Variants in MARCHF1 observed in about 807,000 individuals in gnomAD.
MARCHF1 encodes the protein membrane associated ring-CH-type finger 1, also known as E3 ubiquitin-protein ligase MARCHF1.
Under a neutral mutation model 54.2 loss-of-function variants are expected in MARCHF1, and 40 were observed. The ratio of observed to expected loss-of-function variants is 0.74; its 90% CI spans 0.57 to 0.96. The LOEUF is 0.96. Among genes scored for constraint, MARCHF1 ranks in the 40% least tolerant of loss-of-function variants. The pLI is 0.00. For missense variants in MARCHF1, 586 were observed against 656.5 expected, an observed-to-expected ratio of 0.89 and a Z score of 1.17; for synonymous variants, 236 against 236.3, an observed-to-expected ratio of 1.00 and a Z score of 0.01.
At chr4:163,856,111 T>C (rs1033044411) in intron 3 of MARCHF1, among the ~76,000 whole-genome samples, 1 of 152,186 alleles carries the variant, frequency 6.6e-6, no homozygotes, top group African/African-American at 2.4e-5. Context: ...GAAGCTGGCC[T>C]GTGCAAATCA....
At chr4:164,007,009 AAAAAAAAAAAAAAAAAAAAAAAAG>A (rs1753304206) in intron 2 of MARCHF1, among the ~76,000 whole-genome samples, 1 of 132,102 alleles carries the variant, frequency 7.6e-6, no homozygotes, top group African/African-American at 2.7e-5. Flanking sequence ...AAAAAAAAAA[AAAAAAAAAAAAAAAAAAAAAAAAG>A]AACATGCAAA....
intron 4 of MARCHF1, among the ~76,000 whole-genome samples, chr4:163,798,840 C>T (rs1484667639): frequency 1.3e-5 from 2 of 151,960 alleles, no homozygotes; most frequent in Non-Finnish European, 2.9e-5. Context: ...AGGCACATCC[C>T]TAAGAGGATC....
intron 1 of MARCHF1, among the ~76,000 whole-genome samples, chr4:164,191,695 C>T (rs1004133312): frequency 5.9e-5 from 9 of 152,168 alleles, no homozygotes; most frequent in East Asian, 3.9e-4. Flanking sequence ...GTTAAAAACT[C>T]GAGGCAAATG....
Position 163,585,918 on chromosome 4 carries a change from C to T in MARCHF1, c.1022G>A (p.Cys341Tyr), listed in dbSNP as rs373343704. The T allele has an allele frequency of 3.1e-6, 5 of 1,605,492 alleles. No individual in the cohort carries two copies. Among genetic ancestry groups the T allele is most frequent in the Non-Finnish European group, 8.5e-7 (1 of 1,176,476 alleles). ...DNLEVCRICH[C>Y]EGDEESPLIT... Reference sequence around the variant, plus strand: ...GAGGGGGCTCTCTTCATCCCCTTCGCAGTGACAGATTCTGCAGAAAGACAC... The same window carrying T: ...GAGGGGGCTCTCTTCATCCCCTTCGTAGTGACAGATTCTGCAGAAAGACAC... The change falls in exon 8 of 10, where the codon TGC becomes TAC. Residue 341 changes from cysteine to tyrosine, a missense_variant. By Grantham distance (194) the Cys-to-Tyr change is radical. This residue lies in a region of MARCHF1 where 93 missense variants were observed against 168.2 expected (regional missense o/e 0.55). Coordinates refer to ENST00000514618, the MANE Select transcript of MARCHF1 (RefSeq NM_001394959.1).
At chr4:163,888,522 T>C (rs1465356263) in intron 3 of MARCHF1, among the ~76,000 whole-genome samples, 2 of 152,216 alleles carry the variant, frequency 1.3e-5, no homozygotes, top group Non-Finnish European at 2.9e-5. Flanking sequence ...TTATTCCTTC[T>C]GCACTTTTGT....
At chr4:164,138,090 C>G (rs561831470) in intron 1 of MARCHF1, among the ~76,000 whole-genome samples, 1 of 152,112 alleles carries the variant, frequency 6.6e-6, no homozygotes, top group Non-Finnish European at 1.5e-5. Flanking sequence ...ACCCCAGCAG[C>G]CAGTGAGCTG....
chr4:163,686,607 T>G (rs1744277484), intron 5 of MARCHF1, among the ~76,000 whole-genome samples: 1 of 151,886 alleles, frequency 6.6e-6, no homozygotes, highest in African/African-American at 2.4e-5. Context: ...AAACACCTAC[T>G]TGGAAAAATT....
intron 1 of MARCHF1, among the ~76,000 whole-genome samples, chr4:164,324,524 T>A (rs1735222893): frequency 6.6e-6 from 1 of 151,450 alleles, no homozygotes; most frequent in Non-Finnish European, 1.5e-5. Flanking sequence ...CCCAAGAGAC[T>A]CTAAGTTTAA....
chr4:164,181,495 G>A (rs888476499), intron 1 of MARCHF1, among the ~76,000 whole-genome samples: 1 of 152,070 alleles, frequency 6.6e-6, no homozygotes, highest in African/African-American at 2.4e-5. Context: ...ACAAAGAAAA[G>A]ACTTCAATTT....
intron 2 of MARCHF1, among the ~76,000 whole-genome samples, chr4:164,101,465 G>C (rs532508802): frequency 2.2e-4 from 27 of 125,082 alleles, no homozygotes; most frequent in African/African-American, 5.5e-4. Flanking sequence ...CCTGACCCCC[G>C]AGCAGCCTAA....
Position 164,323,133 on chromosome 4 carries a change from C to G in MARCHF1, c.-323+60737G>C, listed in dbSNP as rs541734026. ...CAAAAATAAATCATATACTTTCCCT[C>G]TAAGAAACATTGTGCTGTTCTTTCT... On this transcript the variant is annotated intron_variant, in intron 1 of 9. Coordinates refer to ENST00000514618, the MANE Select transcript of MARCHF1 (RefSeq NM_001394959.1). Among the ~76,000 whole-genome samples, 173 of 151,938 alleles carry G rather than the reference C, an allele frequency of 1.1e-3. 1 individual carries two copies. The highest frequency in any genetic ancestry group is 0.01 in the South Asian group (50 of 4,806).
chr4:164,319,711 CAGAT>C (rs1349788710), intron 1 of MARCHF1, among the ~76,000 whole-genome samples: 6 of 152,112 alleles, frequency 3.9e-5, no homozygotes, highest in African/African-American at 1.2e-4. Flanking sequence ...TTCAGATAAT[CAGAT>C]AGATCCTTTA....
intron 1 of MARCHF1, among the ~76,000 whole-genome samples, chr4:164,222,159 G>A (rs1336357014): frequency 1.3e-5 from 2 of 151,334 alleles, no homozygotes; most frequent in Non-Finnish European, 2.9e-5. Flanking sequence ...TTCCTTAGAA[G>A]CATAAACTTA....
At chr4:163,810,084 A>G (rs1748342531) in intron 4 of MARCHF1, among the ~76,000 whole-genome samples, 1 of 152,060 alleles carries the variant, frequency 6.6e-6, no homozygotes, top group Non-Finnish European at 1.5e-5. Flanking sequence ...AGACCGATGC[A>G]AGGTGCCCGA....
intron 2 of MARCHF1, among the ~76,000 whole-genome samples, chr4:163,990,310 G>A (rs1350368041): frequency 2.0e-5 from 3 of 151,958 alleles, no homozygotes; most frequent in Admixed American, 2.0e-4. Context: ...ACATTTTCAG[G>A]AGGGCTGCAG....
At chr4:164,160,103 T>G (rs1430354810) in intron 1 of MARCHF1, among the ~76,000 whole-genome samples, 1 of 152,216 alleles carries the variant, frequency 6.6e-6, no homozygotes, top group Non-Finnish European at 1.5e-5. Flanking sequence ...GCTGCCCTAA[T>G]TATGGATAAA....
Position 164,201,337 on chromosome 4 carries a change from A to G in MARCHF1, c.-322-89675T>C, listed in dbSNP as rs112059104. 4.8e-3 allele frequency among the ~76,000 whole-genome samples: 736 copies of G among 152,240 alleles called. 10 individuals carry two copies. Among genetic ancestry groups the G allele is most frequent in the African/African-American group, 0.017 (707 of 41,542 alleles). ...CAGGTTCAAGCGATTCTCCTGCCTCAGCCTCCCTAGTAGTTGGGACTACAG... is the reference window on the plus strand; with the variant it reads ...CAGGTTCAAGCGATTCTCCTGCCTCGGCCTCCCTAGTAGTTGGGACTACAG... On this transcript the variant is annotated intron_variant, in intron 1 of 9. Transcript: ENST00000514618.
At chr4:163,719,601 G>A (rs545757279) in intron 4 of MARCHF1, among the ~76,000 whole-genome samples, 3,398 of 151,578 alleles carry the variant, frequency 0.022, 130 homozygotes, top group African/African-American at 0.077. Flanking sequence ...TTGAGGAATC[G>A]CCACACTGAC....
At chr4:164,010,170 G>A (rs890220046) in intron 2 of MARCHF1, among the ~76,000 whole-genome samples, 1 of 147,540 alleles carries the variant, frequency 6.8e-6, no homozygotes, top group Non-Finnish European at 1.5e-5. Flanking sequence ...AGGTTCAAGC[G>A]ATTCTCCTGC....
Sources: allele counts gnomAD v4.1 joint callset (sites outside exome capture counted in the v4.1 genomes callset), GRCh38; gene constraint gnomAD v4.1.1; regional missense constraint gnomAD v4.1.1; transcripts MANE v1.5; gene names NCBI Gene and HGNC (gene_info 2026-07-23, HGNC 2026-07-21).